Variants in FOLR1 observed in about 807,000 individuals in gnomAD.
The protein encoded by FOLR1 is folate receptor alpha, also known as KB cells FBP.
A neutral mutation model predicts 22.8 loss-of-function variants in FOLR1; 11 were observed. The observed-to-expected ratio is 0.48, with a 90% CI of 0.30 to 0.80. The LOEUF (loss-of-function observed/expected upper bound fraction) is 0.80, where lower values mean the gene tolerates loss of function less well. Among genes scored for constraint, FOLR1 ranks in the 30% least tolerant of loss-of-function variants. The pLI, the probability that FOLR1 is intolerant of heterozygous loss-of-function variation, is 0.06. For synonymous variants in FOLR1, 108 were observed against 116.5 expected (o/e 0.93, Z 0.47); for missense variants, 273 against 320.3 (o/e 0.85, Z 1.13).
intron 3 of FOLR1, 58 bp from the exon 4 acceptor site, chr11:72,195,839 G>A: frequency 6.2e-7 from 1 of 1,614,076 alleles, no homozygotes; most frequent in East Asian, 2.2e-5. Context: ...TTGTAGGGCT[G>A]GCAGACCTCA....
intron 3 of FOLR1, 52 bp from the exon 4 acceptor site, chr11:72,195,845 C>T: frequency 1.9e-6 from 3 of 1,614,074 alleles, no homozygotes; most frequent in East Asian, 4.5e-5. Context: ...GGCTGGCAGA[C>T]CTCAAGATAG....
chr11:72,189,768 C>G (rs1057522827), upstream of FOLR1: 1 of 152,556 alleles, frequency 6.6e-6, no homozygotes, highest in African/African-American at 2.4e-5. Flanking sequence ...AGGTATGTGA[C>G]ACTCCCCATC....
chr11:72,196,036 G>A lies in FOLR1; in HGVS notation c.633G>A (p.Gln211=). The change falls in exon 4 of 4, where the codon CAG becomes CAA. Residue 211 remains glutamine, a synonymous_variant. Transcript: ENST00000393676. ...GCCGAGGGAGTGGCCGCTGCATCCA[G>A]ATGTGGTTCGACCCAGCCCAGGGCA... ...NYSRGSGRCI[Q]MWFDPAQGNP... 1 of 1,614,238 alleles carries A rather than the reference G, an allele frequency of 6.2e-7. No homozygotes were observed. Among genetic ancestry groups the A allele is most frequent in the Non-Finnish European group, 8.5e-7 (1 of 1,180,040 alleles).
chr11:72,191,220 C>T (rs1008480133), upstream of FOLR1, among the ~76,000 whole-genome samples: 2 of 152,156 alleles, frequency 1.3e-5, no homozygotes, highest in South Asian at 2.1e-4. Context: ...GACCCCACCC[C>T]ACCAAGATCC....
In FOLR1 at chr11:72,196,193, T is replaced by C; in HGVS notation, c.*16T>C. On this transcript the variant is annotated 3_prime_UTR_variant, in exon 4 of 4. Coordinates refer to ENST00000393676, the MANE Select transcript of FOLR1 (RefSeq NM_016729.3). Reference sequence around the variant, plus strand: ...GCTCAGCTGACCTCCTTTTACCTTCTGATACCTGGAAATCCCTGCCCTGTT... The same window carrying C: ...GCTCAGCTGACCTCCTTTTACCTTCCGATACCTGGAAATCCCTGCCCTGTT... 6.2e-7 allele frequency: 1 copy of C among 1,614,036 alleles called. No individual in the cohort carries two copies. Among genetic ancestry groups the C allele is most frequent in the Non-Finnish European group, 8.5e-7 (1 of 1,179,920 alleles).
intron 1 of FOLR1, among the ~76,000 whole-genome samples, chr11:72,195,062 A>G (rs950454505): frequency 6.6e-6 from 1 of 152,204 alleles, no homozygotes; most frequent in African/African-American, 2.4e-5. Flanking sequence ...TTTTGTAATG[A>G]CTGCAACTCC....
intron 3 of FOLR1, 52 bp downstream of exon 3, chr11:72,195,799 G>A (rs2135388890): frequency 6.2e-7 from 1 of 1,614,130 alleles, no homozygotes; most frequent in East Asian, 2.2e-5. Context: ...GAGGTGTGTG[G>A]GTGTGGAACA....
chr11:72,195,624 TG>T lies in FOLR1; in HGVS notation c.372del (p.Trp124CysfsTer7). On this transcript the variant is annotated frameshift_variant, in exon 3 of 4. Coordinates refer to ENST00000393676, the MANE Select transcript of FOLR1 (RefSeq NM_016729.3). LOFTEE classifies it high-confidence loss of function. ...CAAAATCACCCAGGTGGATCAGAGC[TG>T]GCGCAAAGAGCGGGTACTGAACGTG... Reference protein sequence around the residue: ...GPWIQQVDQSWRKERVLNVPL... With the variant: ...GPWIQQVDQSXRKERVLNVPL... The T allele has an allele frequency of 1.9e-6, 3 of 1,614,186 alleles. No individual in the cohort carries two copies. The highest frequency in any genetic ancestry group is 2.5e-6 in the Non-Finnish European group (3 of 1,180,038).
intron 1 of FOLR1, among the ~76,000 whole-genome samples, chr11:72,194,654 C>T (rs1193292435): frequency 2.0e-5 from 3 of 152,126 alleles, no homozygotes; most frequent in Non-Finnish European, 4.4e-5. Flanking sequence ...CCGCCTCGGC[C>T]TCCCAAAATG....
At position 72,192,321 on chromosome 11, in the gene FOLR1, G is replaced by A. The variant is rs1488460520; in HGVS notation, c.148G>A (p.Glu50Lys). Reference sequence around the variant, plus strand: ...GCACCACAAGGAAAAGCCAGGCCCCGAGGACAAGTTGCATGAGCAGGTGGG... The same window carrying A: ...GCACCACAAGGAAAAGCCAGGCCCCAAGGACAAGTTGCATGAGCAGGTGGG... ...AKHHKEKPGP[E>K]DKLHEQCRPW... Residue 50 changes from glutamate to lysine, a missense_variant, in exon 1 of 4, where the codon GAG becomes AAG. Coordinates refer to ENST00000393676, the MANE Select transcript of FOLR1 (RefSeq NM_016729.3). 5.6e-6 allele frequency: 9 copies of A among 1,613,956 alleles called. No homozygotes were observed. Among genetic ancestry groups the A allele is most frequent in the African/African-American group, 1.3e-5 (1 of 74,914 alleles).
chr11:72,196,013 C>T lies in FOLR1; in HGVS notation c.610C>T (p.Arg204Ter), dbSNP rs952165627. Residue 204 changes from arginine to a stop codon, truncating the protein, a stop_gained, in exon 4 of 4, where the codon CGA becomes TGA. Transcript: ENST00000393676. LOFTEE classifies it low-confidence loss of function (END_TRUNC). ...CTCCTACAAGGTCAGCAACTACAGC[C>T]GAGGGAGTGGCCGCTGCATCCAGAT... ...THSYKVSNYS[R>*]GSGRCIQMWF... The T allele has an allele frequency of 1.2e-6, 2 of 1,614,196 alleles. No homozygotes were observed. The highest frequency in any genetic ancestry group is 1.7e-6 in the Non-Finnish European group (2 of 1,180,026).
downstream of FOLR1, chr11:72,196,311 A>G: frequency 1.1e-6 from 1 of 908,604 alleles, no homozygotes; most frequent in Admixed American, 2.1e-5. Context: ...ATGTGTCTTG[A>G]GAATTATTTG....
chr11:72,192,196 AGCT>A lies in FOLR1; in HGVS notation c.30_32del (p.Leu13del). On this transcript the variant is annotated inframe_deletion, in exon 1 of 4. Transcript: ENST00000393676. ...GACATGGCTCAGCGGATGACAACAC[AGCT>A]GCTGCTCCTTCTAGTGTGGGTGGCT... 2 of 1,614,172 alleles carry A rather than the reference AGCT, an allele frequency of 1.2e-6. No homozygotes were observed. The highest frequency in any genetic ancestry group is 8.5e-7 in the Non-Finnish European group (1 of 1,180,008).
Position 72,196,208 on chromosome 11 carries a change from C to T in FOLR1, c.*31C>T. On this transcript the variant is annotated 3_prime_UTR_variant, in exon 4 of 4. Transcript: ENST00000393676. ...TTTTACCTTCTGATACCTGGAAATCCCTGCCCTGTTCAGCCCCACAGCTCC... is the reference window on the plus strand; with the variant it reads ...TTTTACCTTCTGATACCTGGAAATCTCTGCCCTGTTCAGCCCCACAGCTCC... 1 of 1,613,532 alleles carries T rather than the reference C, an allele frequency of 6.2e-7. No homozygotes were observed. Among genetic ancestry groups the T allele is most frequent in the Non-Finnish European group, 8.5e-7 (1 of 1,179,528 alleles).
At position 72,196,142 on chromosome 11, in the gene FOLR1, A is replaced by T. The variant is rs1274741193; in HGVS notation, c.739A>T (p.Ser247Cys). 1.2e-6 allele frequency: 2 copies of T among 1,614,168 alleles called. No homozygotes were observed. Among genetic ancestry groups the T allele is most frequent in the Non-Finnish European group, 1.7e-6 (2 of 1,180,038 alleles). Residue 247 changes from serine to cysteine, a missense_variant, in exon 4 of 4, where the codon AGC becomes TGC. Ser to Cys is a moderately radical substitution (Grantham distance 112). Transcript: ENST00000393676. ...CTGGGCAGCCTGGCCTTTCCTGCTTAGCCTGGCCCTAATGCTGCTGTGGCT... is the reference window on the plus strand; with the variant it reads ...CTGGGCAGCCTGGCCTTTCCTGCTTTGCCTGGCCCTAATGCTGCTGTGGCT... ...GPWAAWPFLL[S>C]LALMLLWLLS
chr11:72,195,973 T>C lies in FOLR1; in HGVS notation c.570T>C (p.Asn190=), dbSNP rs1948226632. ...FYFPTPTVLC[N]EIWTHSYKVS... is the part of the protein sequence containing the mutation. The stretch of plus-strand genomic sequence containing the variant: ...TCCCCACACCCACTGTTCTGTGCAA[T>C]GAAATCTGGACTCACTCCTACAAGG... Residue 190 remains asparagine (N), a synonymous_variant, in exon 4 of 4, where the codon AAT becomes AAC. Transcript: ENST00000393676. The C allele has an allele frequency of 6.2e-7, 1 of 1,614,180 alleles. No homozygotes were observed. Among genetic ancestry groups the C allele is most frequent in the Non-Finnish European group, 8.5e-7 (1 of 1,180,042 alleles).
intron 1 of FOLR1, among the ~76,000 whole-genome samples, chr11:72,192,926 T>C (rs1219848381): frequency 6.6e-6 from 1 of 152,106 alleles, no homozygotes; most frequent in Admixed American, 6.6e-5. Flanking sequence ...CTCGCAAAAC[T>C]TTGGGCTGTG....
intron 1 of FOLR1, among the ~76,000 whole-genome samples, chr11:72,194,557 G>A (rs960189788): frequency 5.9e-5 from 9 of 152,024 alleles, no homozygotes; most frequent in East Asian, 1.9e-4. Flanking sequence ...CAGCCACCAC[G>A]CCCGGCTAAT....
chr11:72,189,920 G>T (rs2071010), upstream of FOLR1, among the ~76,000 whole-genome samples: 1 of 152,176 alleles, frequency 6.6e-6, no homozygotes, highest in Non-Finnish European at 1.5e-5. Context: ...CCTGCTCAAG[G>T]TTAAACGACA....
Sources: gnomAD v4.1 joint callset for allele counts (sites outside exome capture counted in the v4.1 genomes callset) on GRCh38, gnomAD v4.1.1 for gene constraint, MANE v1.5 for transcripts, NCBI Gene and HGNC (gene_info 2026-07-23, HGNC 2026-07-21) for gene names.